ANO1: variants seen among roughly 807,000 people sequenced by gnomAD.
The protein encoded by ANO1 is anoctamin 1.
Under a neutral mutation model 124.0 loss-of-function variants are expected in ANO1, and 59 were observed. That is an observed-to-expected ratio of 0.48 (90% CI 0.39 to 0.59). The LOEUF (loss-of-function observed/expected upper bound fraction) is 0.59, where lower values mean the gene tolerates loss of function less well. Ranked by LOEUF, ANO1 falls within the 20% of genes least tolerant of loss-of-function variation. The pLI, the probability that ANO1 is intolerant of heterozygous loss-of-function variation, is 0.00. For missense variants in ANO1, 1,059 were observed against 1,328.0 expected (o/e 0.80, Z 3.15); for synonymous variants, 529 against 532.0 (o/e 0.99, Z 0.08).
At chr11:69,985,489 G>T (rs548904511), upstream of ANO1, among the ~76,000 whole-genome samples, 6 of 152,184 alleles carry the variant, frequency 3.9e-5, no homozygotes, top group African/African-American at 1.2e-4. Context: ...CCGCCTGGGG[G>T]AGGGGGCCAG....
At chr11:70,103,313 G>A (rs2045353387) in intron 3 of ANO1, 149 bp downstream of exon 3, 1 of 655,968 alleles carries the variant, frequency 1.5e-6, no homozygotes, top group African/African-American at 1.8e-5. Flanking sequence ...AAGACCATGT[G>A]GCTCGATGTG....
chr11:70,042,513 CAGAGAG>C (rs140488432), intron 1 of ANO1, among the ~76,000 whole-genome samples: 4 of 148,448 alleles, frequency 2.7e-5, no homozygotes, highest in Non-Finnish European at 6.0e-5. Context: ...TACATATACA[CAGAGAG>C]AGAGAGAGAG....
intron 1 of ANO1, among the ~76,000 whole-genome samples, chr11:70,054,048 A>T (rs782712286): frequency 2.0e-5 from 3 of 152,014 alleles, no homozygotes; most frequent in Non-Finnish European, 4.4e-5. Context: ...CTTGTTATCT[A>T]TCATTTGTGT....
At chr11:70,027,443 G>C (rs1856926563) in intron 1 of ANO1, among the ~76,000 whole-genome samples, 1 of 152,208 alleles carries the variant, frequency 6.6e-6, no homozygotes, top group Non-Finnish European at 1.5e-5. Flanking sequence ...TCTACTGAAG[G>C]TGTCTCGCTT....
intron 11 of ANO1, among the ~76,000 whole-genome samples, chr11:70,133,685 T>C (rs897273719): frequency 6.6e-6 from 1 of 152,222 alleles, no homozygotes; most frequent in African/African-American, 2.4e-5. Context: ...CAACAGTGCA[T>C]AAGAGAATTC....
rs149451709 is a variant in ANO1 at position 70,092,295 on chromosome 11, T to C, written c.441+4211T>C. 1.4e-4 allele frequency among the ~76,000 whole-genome samples: 22 copies of C among 152,370 alleles called. No homozygotes were observed. The East Asian group carries it at 4.0e-3, about 28-fold the overall frequency. ...GACCCTGTTTCCAAGTGAGATCACA[T>C]TGATAAGTGCCAGGAGTTAGGACTT... On this transcript the variant is annotated intron_variant, in intron 2 of 25. Transcript: ENST00000355303.
rs751560783 is a variant in ANO1 at position 70,111,789 on chromosome 11, C to T, written c.855+27C>T. ...TAAGTAACCTTGACACACGATTTAT[C>T]TCTGCGTCATTTGACTCCCCAAATC... is the stretch of plus-strand genomic sequence containing the variant. On this transcript the variant is annotated intron_variant, in intron 7 of 25. Transcript: ENST00000355303. The T allele has an allele frequency of 3.1e-6, 5 of 1,612,798 alleles. No homozygotes were observed. The East Asian group carries it at 6.7e-5, about 22-fold the overall frequency.
rs184861253 is a variant in ANO1 at position 70,066,898 on chromosome 11, A to T, written c.59-11644A>T. 1.9e-4 allele frequency among the ~76,000 whole-genome samples: 29 copies of T among 152,208 alleles called. No homozygotes were observed. In the East Asian group the frequency reaches 5.6e-3, roughly 29 times the overall value. On this transcript the variant is annotated intron_variant, in intron 1 of 27. Transcript: ENST00000531349. ...ATGGATGCTGCTAGTCCAGCCAAGG[A>T]AGTGCCTGTCCCCACTCCCAGGCCC...
chr11:70,114,821 C>T (rs1219205457), intron 7 of ANO1, among the ~76,000 whole-genome samples: 3 of 152,188 alleles, frequency 2.0e-5, no homozygotes, highest in African/African-American at 4.8e-5. Context: ...ATTGCTTGAA[C>T]TCGGGAGGCG....
intron 11 of ANO1, among the ~76,000 whole-genome samples, chr11:70,136,785 A>G (rs1284763150): frequency 6.8e-6 from 1 of 148,008 alleles, no homozygotes; most frequent in African/African-American, 2.4e-5. Context: ...GTGGGGACAG[A>G]CACGCACAGA....
intron 8 of ANO1, among the ~76,000 whole-genome samples, chr11:70,118,598 A>G (rs1263293762): frequency 1.5e-5 from 2 of 136,102 alleles, no homozygotes; most frequent in Non-Finnish European, 3.1e-5. Flanking sequence ...GGATGGATGG[A>G]TGGATGGATG....
intron 1 of ANO1, among the ~76,000 whole-genome samples, chr11:70,021,877 G>A (rs1038640882): frequency 6.6e-6 from 1 of 152,158 alleles, no homozygotes; most frequent in South Asian, 2.1e-4. Context: ...ATCCCAAAGA[G>A]TGCGCAGAGT....
intron 1 of ANO1, among the ~76,000 whole-genome samples, chr11:70,010,159 G>GTATATATA (rs1565159656): frequency 3.8e-5 from 2 of 52,490 alleles, no homozygotes; most frequent in African/African-American, 1.3e-4. Context: ...GTGTGTGTGT[G>GTATATATA]TGTGTGCGCG....
In ANO1 at chr11:70,107,161, T is replaced by C. The variant is rs185499333; in HGVS notation, c.748-1192T>C. Among the ~76,000 whole-genome samples the C allele has an allele frequency of 3.3e-3, 508 of 152,188 alleles. 7 individuals carry two copies. The highest frequency in any genetic ancestry group is 0.011 in the African/African-American group (459 of 41,520). ...CTGAGGGATGATGGGGAGGGAGCCA[T>C]TGAGAACAGCCTAGTGGGCGATTCC... On this transcript the variant is annotated intron_variant, in intron 5 of 25. Transcript: ENST00000355303.
intron 4 of ANO1, among the ~76,000 whole-genome samples, chr11:70,104,940 A>C (rs974944143): frequency 1.2e-4 from 19 of 152,122 alleles, no homozygotes; most frequent in Non-Finnish European, 4.4e-5. Flanking sequence ...CACTGGATGC[A>C]TTTACCAGGT....
At chr11:69,974,819 T>C in the ANO1 span, among the ~76,000 whole-genome samples, 1 of 151,270 alleles carries the variant, frequency 6.6e-6, no homozygotes, top group Non-Finnish European at 1.5e-5. Context: ...TGGATCAGGA[T>C]TCCTGGCTGC....
intron 2 of ANO1, among the ~76,000 whole-genome samples, chr11:70,100,775 G>A (rs917952108): frequency 2.0e-5 from 3 of 152,234 alleles, no homozygotes; most frequent in African/African-American, 4.8e-5. Flanking sequence ...TGGAATGCAC[G>A]CAGCAGGGAC....
At chr11:70,059,844 A>G (rs1555007477) in intron 1 of ANO1, among the ~76,000 whole-genome samples, 1 of 152,016 alleles carries the variant, frequency 6.6e-6, no homozygotes, top group Non-Finnish European at 1.5e-5. Flanking sequence ...AAAGACTGGT[A>G]GAGCAGGTTT....
chr11:70,123,052 C>A (rs929903342), intron 8 of ANO1, among the ~76,000 whole-genome samples: 2 of 152,188 alleles, frequency 1.3e-5, no homozygotes, highest in Admixed American at 1.3e-4. Context: ...CTCGCATGAG[C>A]CCATCTGCCT....
Sources: allele counts gnomAD v4.1 joint callset (sites outside exome capture counted in the v4.1 genomes callset), GRCh38; gene constraint gnomAD v4.1.1; transcripts MANE v1.5; gene names NCBI Gene and HGNC (gene_info 2026-07-23, HGNC 2026-07-21).